SLC38A1: variants seen among roughly 807,000 people sequenced by gnomAD.
SLC38A1 encodes the protein solute carrier family 38 member 1.
A neutral mutation model predicts 60.3 loss-of-function variants in SLC38A1; 18 were observed. The observed-to-expected ratio is 0.30, with a 90% CI of 0.21 to 0.44. The LOEUF is 0.44. Among genes scored for constraint, SLC38A1 ranks in the 20% least tolerant of loss-of-function variants. The pLI, the probability that SLC38A1 is intolerant of heterozygous loss-of-function variation, is 1.00. For missense variants in SLC38A1, 448 were observed against 587.2 expected (o/e 0.76, Z 2.45); for synonymous variants, 196 against 212.1 (o/e 0.92, Z 0.66).
chr12:46,255,155 G>A (rs1295114102), intron 1 of SLC38A1, among the ~76,000 whole-genome samples: 1 of 152,092 alleles, frequency 6.6e-6, no homozygotes, highest in African/African-American at 2.4e-5. Flanking sequence ...AAGTCCTATT[G>A]TTGATTATAA....
intron 2 of SLC38A1, among the ~76,000 whole-genome samples, chr12:46,242,706 G>C (rs1027361638): frequency 6.6e-6 from 1 of 152,200 alleles, no homozygotes; most frequent in African/African-American, 2.4e-5. Context: ...AGAGGCTGTG[G>C]TGGGAGATCA....
chr12:46,193,151 C>A (rs1475608289), intron 16 of SLC38A1, among the ~76,000 whole-genome samples: 2 of 152,178 alleles, frequency 1.3e-5, no homozygotes, highest in East Asian at 1.9e-4. Flanking sequence ...TCATTGGTTT[C>A]AAAGAACATC....
intron 5 of SLC38A1, among the ~76,000 whole-genome samples, chr12:46,226,729 C>A (rs2137834865): frequency 6.6e-6 from 1 of 151,690 alleles, no homozygotes; most frequent in East Asian, 1.9e-4. Flanking sequence ...GATTCTCCTG[C>A]CTCAGCCTCC....
At chr12:46,259,046 T>C (rs1292226524) in intron 1 of SLC38A1, among the ~76,000 whole-genome samples, 1 of 152,212 alleles carries the variant, frequency 6.6e-6, no homozygotes, top group Admixed American at 6.5e-5. Context: ...CTAGGTGCTC[T>C]TGCCACAAAA....
intron 3 of SLC38A1, among the ~76,000 whole-genome samples, chr12:46,230,485 T>C (rs575587638): frequency 6.6e-6 from 1 of 152,292 alleles, no homozygotes; most frequent in East Asian, 1.9e-4. Context: ...TTAACACTAT[T>C]ACATCATCTT....
At chr12:46,202,668 C>T (rs1939714165) in intron 12 of SLC38A1, among the ~76,000 whole-genome samples, 1 of 152,134 alleles carries the variant, frequency 6.6e-6, no homozygotes, top group African/African-American at 2.4e-5. Flanking sequence ...AAGATTATCA[C>T]CCACTTGCAA....
intron 2 of SLC38A1, among the ~76,000 whole-genome samples, chr12:46,242,466 T>C (rs904216091): frequency 3.9e-5 from 6 of 152,112 alleles, no homozygotes; most frequent in African/African-American, 1.4e-4. Flanking sequence ...AATTTTTTTT[T>C]CCTAATTCTA....
intron 16 of SLC38A1, among the ~76,000 whole-genome samples, chr12:46,195,056 TC>T (rs1939305300): frequency 6.6e-6 from 1 of 152,144 alleles, no homozygotes; most frequent in Admixed American, 6.5e-5. Flanking sequence ...CTGGTTTCTC[TC>T]CCCATCTTTG....
intron 11 of SLC38A1, 48 bp downstream of exon 11, chr12:46,204,253 T>C: frequency 8.9e-7 from 1 of 1,128,910 alleles, no homozygotes; most frequent in South Asian, 1.2e-5. Context: ...AAATAGAATG[T>C]CCTTAATAAA....
chr12:46,194,949 T>A (rs546293386), intron 16 of SLC38A1, among the ~76,000 whole-genome samples: 1 of 152,326 alleles, frequency 6.6e-6, no homozygotes, highest in South Asian at 2.1e-4. Context: ...CTTGTCAAAC[T>A]CATTCTCCGT....
rs539939513 is a variant in SLC38A1 at position 46,183,932 on chromosome 12, G to A, written c.*5038C>T. ...AGGAAACATTTATTGTTTATATGCA[G>A]ATCCTAGAGACTTCTATTTCAGTGC... is the stretch of plus-strand genomic sequence containing the variant. On this transcript the variant is annotated 3_prime_UTR_variant, in exon 17 of 17. Coordinates refer to ENST00000398637, the MANE Select transcript of SLC38A1 (RefSeq NM_030674.4). 2.0e-5 allele frequency: 3 copies of A among 152,590 alleles called. No individual in the cohort carries two copies. Among genetic ancestry groups the A allele is most frequent in the Non-Finnish European group, 4.4e-5 (3 of 68,040 alleles). 9.5% of individuals were successfully genotyped at this position (152,590 alleles called of 1,614,324 possible).
chr12:46,232,885 A>G (rs1941128205), intron 3 of SLC38A1, among the ~76,000 whole-genome samples: 2 of 152,136 alleles, frequency 1.3e-5, no homozygotes. Context: ...ATATTTTTAA[A>G]TTTGCATTTT....
Position 46,207,195 on chromosome 12 carries a change from AG to A in SLC38A1, c.522del (p.Ser175LeufsTer3). ...TTTCCCATTAGAAACTTTATGGCAGAGGGTAGTTCATTTTTTACGATGAAGA... is the reference window on the plus strand; with the variant it reads ...TTTCCCATTAGAAACTTTATGGCAGAGGTAGTTCATTTTTTACGATGAAGA... ...SYLFIVKNEL[P>X]SAIKFLMGKE... is the part of the protein sequence containing the mutation. On this transcript the variant is annotated frameshift_variant, in exon 8 of 17. Coordinates refer to ENST00000398637, the MANE Select transcript of SLC38A1 (RefSeq NM_030674.4). LOFTEE classifies it high-confidence loss of function. 1 of 1,613,220 alleles carries A rather than the reference AG, an allele frequency of 6.2e-7. No homozygotes were observed. The highest frequency in any genetic ancestry group is 2.2e-5 in the East Asian group (1 of 44,844).
At chr12:46,228,081 G>A (rs1468359075) in intron 5 of SLC38A1, among the ~76,000 whole-genome samples, 10 of 152,186 alleles carry the variant, frequency 6.6e-5, no homozygotes, top group Admixed American at 1.3e-4. Context: ...CAAGAGAGGA[G>A]GCTAGAGTTA....
chr12:46,222,370 C>G (rs1940694114), intron 5 of SLC38A1, among the ~76,000 whole-genome samples: 1 of 152,080 alleles, frequency 6.6e-6, no homozygotes, highest in Non-Finnish European at 1.5e-5. Flanking sequence ...TCTTGTGTAC[C>G]CTCCCCAAAT....
chr12:46,229,484 C>G (rs954808208), intron 4 of SLC38A1, 80 bp downstream of exon 4: 2 of 1,112,950 alleles, frequency 1.8e-6, no homozygotes, highest in Non-Finnish European at 1.4e-6. Flanking sequence ...GCTTTTGGTA[C>G]TATGCTACTT....
intron 1 of SLC38A1, among the ~76,000 whole-genome samples, chr12:46,266,226 G>A (rs1942347554): frequency 1.3e-5 from 2 of 152,024 alleles, no homozygotes; most frequent in South Asian, 4.2e-4. Flanking sequence ...GAGTAAAATC[G>A]GTTTTTGTCC....
intron 5 of SLC38A1, among the ~76,000 whole-genome samples, chr12:46,225,550 A>G (rs1940829963): frequency 6.6e-6 from 1 of 152,148 alleles, no homozygotes; most frequent in Non-Finnish European, 1.5e-5. Flanking sequence ...CTAGGCCCCC[A>G]GAACAGGGGA....
chr12:46,195,670 C>G (rs112321590), intron 16 of SLC38A1: 88 of 163,870 alleles, frequency 5.4e-4, no homozygotes, highest in Admixed American at 3.4e-4. Context: ...GGATGCCTCT[C>G]CCTGCATCAA....
Sources: gnomAD v4.1 joint callset for allele counts (sites outside exome capture counted in the v4.1 genomes callset) on GRCh38, gnomAD v4.1.1 for gene constraint, MANE v1.5 for transcripts, NCBI Gene and HGNC (gene_info 2026-07-23, HGNC 2026-07-21) for gene names.